CEP85L: variants seen among roughly 807,000 people sequenced by gnomAD.
CEP85L encodes the protein centrosomal protein of 85 kDa-like.
In CEP85L, 60 loss-of-function variants were observed where a neutral mutation model predicts 100.3. The observed-to-expected ratio is 0.60, with a 90% CI of 0.49 to 0.74. CEP85L has a LOEUF of 0.74. Ranked by LOEUF, CEP85L falls within the 30% of genes least tolerant of loss-of-function variation. CEP85L has a pLI of 0.00. For synonymous variants in CEP85L, 319 were observed against 322.7 expected (o/e 0.99, Z 0.12); for missense variants, 973 against 936.2 (o/e 1.04, Z -0.51).
At chr6:118,478,614 T>C (rs1773560061) in intron 10 of CEP85L, among the ~76,000 whole-genome samples, 1 of 152,146 alleles carries the variant, frequency 6.6e-6, no homozygotes, top group African/African-American at 2.4e-5. Context: ...TAGGCCCAAA[T>C]ATTTGGAAAT....
chr6:118,611,130 TC>T (rs1248730881), intron 2 of CEP85L, among the ~76,000 whole-genome samples: 3 of 152,198 alleles, frequency 2.0e-5, no homozygotes, highest in Admixed American at 2.0e-4. Flanking sequence ...AAATAGGCTT[TC>T]CTTCTTCTCC....
chr6:118,595,815 A>G (rs902720614), intron 2 of CEP85L, among the ~76,000 whole-genome samples: 1 of 152,220 alleles, frequency 6.6e-6, no homozygotes, highest in African/African-American at 2.4e-5. Flanking sequence ...TCACCTAAAA[A>G]TTATCACAAC....
chr6:118,589,679 G>T, intron 2 of CEP85L: 2 of 282,480 alleles, frequency 7.1e-6, no homozygotes, highest in Non-Finnish European at 7.0e-6. Flanking sequence ...ATGAGAAGCA[G>T]AAACTGGTGA....
chr6:118,682,578 A>G (rs995252299), intron 1 of CEP85L, among the ~76,000 whole-genome samples: 1 of 152,140 alleles, frequency 6.6e-6, no homozygotes, highest in Non-Finnish European at 1.5e-5. Context: ...TTCACTGTGG[A>G]AAAAGGAAAC....
intron 2 of CEP85L, among the ~76,000 whole-genome samples, chr6:118,593,972 C>T (rs978688570): frequency 5.3e-5 from 8 of 152,292 alleles, no homozygotes; most frequent in South Asian, 2.1e-4. Flanking sequence ...TGGGCCTCAA[C>T]CTAAACAACA....
chr6:118,538,936 A>G (rs555849964), intron 3 of CEP85L, among the ~76,000 whole-genome samples: 52 of 152,270 alleles, frequency 3.4e-4, no homozygotes, highest in African/African-American at 1.1e-3. Context: ...GATATAATTG[A>G]CAATTTATGA....
intron 3 of CEP85L, among the ~76,000 whole-genome samples, chr6:118,536,194 A>G (rs1777580541): frequency 6.6e-6 from 1 of 152,188 alleles, no homozygotes; most frequent in Non-Finnish European, 1.5e-5. Context: ...ATACAAAACA[A>G]CATAGATTAA....
chr6:118,635,694 A>T (rs12215793), intron 1 of CEP85L, among the ~76,000 whole-genome samples: 70,789 of 152,082 alleles, frequency 0.47, 16,976 homozygotes, highest in Middle Eastern at 0.57. Flanking sequence ...CCTTGCTTTT[A>T]GGCAATATAA....
At chr6:118,632,711 A>C (rs2115323770) in intron 1 of CEP85L, 100 bp from the exon 2 acceptor site, 1 of 886,380 alleles carries the variant, frequency 1.1e-6, no homozygotes, top group Non-Finnish European at 1.6e-6. Context: ...AAAAGGTATA[A>C]AAGGTTCTTT....
At chr6:118,697,116 A>G (rs12191005) in intron 1 of CEP85L, among the ~76,000 whole-genome samples, 4,911 of 152,278 alleles carry the variant, frequency 0.032, 121 homozygotes, top group African/African-American at 0.066. Flanking sequence ...GGGAAACAGA[A>G]TCACCATGAT....
chr6:118,477,858 A>T (rs1463162125), intron 10 of CEP85L, among the ~76,000 whole-genome samples: 1 of 152,166 alleles, frequency 6.6e-6, no homozygotes, highest in Non-Finnish European at 1.5e-5. Flanking sequence ...AATTTATATT[A>T]AAAATAATTG....
At chr6:118,651,169 C>G (rs532978270) in intron 1 of CEP85L, 28 bp downstream of exon 1, 28 of 1,486,180 alleles carry the variant, frequency 1.9e-5, no homozygotes, top group Non-Finnish European at 2.5e-5. Flanking sequence ...GACCCCCACC[C>G]CAGCCGGGGC....
chr6:118,496,797 G>C (rs1166035903), intron 5 of CEP85L, among the ~76,000 whole-genome samples: 2 of 152,180 alleles, frequency 1.3e-5, no homozygotes, highest in Admixed American at 1.3e-4. Flanking sequence ...GCTTACTTAT[G>C]TAACATATTC....
chr6:118,476,913 C>G (rs1773423827), intron 10 of CEP85L, among the ~76,000 whole-genome samples: 1 of 152,180 alleles, frequency 6.6e-6, no homozygotes, highest in Non-Finnish European at 1.5e-5. Flanking sequence ...TCTATGTCCT[C>G]TGCCAAAAGA....
intron 4 of CEP85L, among the ~76,000 whole-genome samples, chr6:118,512,946 A>T (rs1002254644): frequency 2.0e-5 from 3 of 152,222 alleles, no homozygotes; most frequent in African/African-American, 4.8e-5. Flanking sequence ...ACTGACAGAG[A>T]TGTTAAAATA....
chr6:118,689,077 C>G (rs1182767315), intron 1 of CEP85L, among the ~76,000 whole-genome samples: 15 of 152,332 alleles, frequency 9.8e-5, no homozygotes, highest in Non-Finnish European at 1.5e-5. Flanking sequence ...CCTTCTTGTA[C>G]TGACTTCTCC....
At chr6:118,483,665 T>C in intron 7 of CEP85L, 41 bp downstream of exon 7, 3 of 1,571,498 alleles carry the variant, frequency 1.9e-6, no homozygotes, top group Non-Finnish European at 2.6e-6. Flanking sequence ...AGTTAACATG[T>C]TTTCATGTCA....
At chr6:118,586,446 T>C (rs927905235) in intron 2 of CEP85L, among the ~76,000 whole-genome samples, 6 of 152,160 alleles carry the variant, frequency 3.9e-5, no homozygotes, top group Admixed American at 3.9e-4. Context: ...CCCAGGAGAT[T>C]TGGTACTGGT....
upstream of CEP85L, chr6:118,651,881 C>T (rs1289326870): frequency 2.0e-6 from 2 of 985,482 alleles, no homozygotes; most frequent in African/African-American, 1.7e-5. Flanking sequence ...GGTAATCCCT[C>T]ACGCCCTCCC....
Sources: gnomAD v4.1 joint callset for allele counts (sites outside exome capture counted in the v4.1 genomes callset) on GRCh38, gnomAD v4.1.1 for gene constraint, MANE v1.5 for transcripts, NCBI Gene and HGNC (gene_info 2026-07-23, HGNC 2026-07-21) for gene names.